The following TMPRSS11D variants were observed in gnomAD, a reference collection of about 807,000 sequenced individuals.
TMPRSS11D encodes the protein transmembrane serine protease 11D.
A neutral mutation model predicts 44.4 loss-of-function variants in TMPRSS11D; 32 were observed. The ratio of observed to expected loss-of-function variants is 0.72; its 90% CI spans 0.54 to 0.97. TMPRSS11D has a LOEUF of 0.97. Among genes scored for constraint, TMPRSS11D ranks in the 50% least tolerant of loss-of-function variants. The pLI is 0.00. For synonymous variants in TMPRSS11D, 179 were observed against 177.9 expected (o/e 1.01, Z -0.05); for missense variants, 446 against 502.6 (o/e 0.89, Z 1.08).
chr4:67,837,087 T>C (rs13114094), intron 5 of TMPRSS11D, among the ~76,000 whole-genome samples: 23,407 of 152,146 alleles, frequency 0.15, 1,906 homozygotes, highest in Middle Eastern at 0.23. Context: ...TTGGAATATC[T>C]TTCCCTTCAA....
chr4:67,865,586 C>A (rs1345777822), intron 1 of TMPRSS11D, among the ~76,000 whole-genome samples: 1 of 151,380 alleles, frequency 6.6e-6, no homozygotes, highest in African/African-American at 2.4e-5. Context: ...GCTACCTAGA[C>A]TAGCCAAGAA....
intron 4 of TMPRSS11D, among the ~76,000 whole-genome samples, chr4:67,839,670 C>T (rs865789265): frequency 6.6e-6 from 1 of 151,944 alleles, no homozygotes; most frequent in African/African-American, 2.4e-5. Flanking sequence ...AAATGCTCGT[C>T]ATGTCATAAA....
chr4:67,879,440 C>G (rs1294894987), intron 1 of TMPRSS11D, among the ~76,000 whole-genome samples: 2 of 146,760 alleles, frequency 1.4e-5, no homozygotes, highest in Admixed American at 6.8e-5. Flanking sequence ...CCACTGCACT[C>G]CAGCCTGGGC....
chr4:67,856,711 A>G (rs1718644527), intron 2 of TMPRSS11D, among the ~76,000 whole-genome samples: 1 of 152,148 alleles, frequency 6.6e-6, no homozygotes, highest in Middle Eastern at 3.2e-3. Flanking sequence ...TTGAATGGGA[A>G]AAAACATTTG....
chr4:67,862,156 G>A (rs1718806286), intron 1 of TMPRSS11D, among the ~76,000 whole-genome samples: 3 of 152,020 alleles, frequency 2.0e-5, no homozygotes, highest in African/African-American at 7.2e-5. Flanking sequence ...CATGAGGGTG[G>A]AAAATTTATC....
chr4:67,841,498 T>C (rs1718229214), intron 4 of TMPRSS11D, among the ~76,000 whole-genome samples: 1 of 152,176 alleles, frequency 6.6e-6, no homozygotes, highest in South Asian at 2.1e-4. Context: ...GATTTTGTTA[T>C]CTGGATGTCA....
intron 4 of TMPRSS11D, among the ~76,000 whole-genome samples, chr4:67,840,010 AG>A (rs1718194957): frequency 7.0e-6 from 1 of 142,826 alleles, no homozygotes; most frequent in South Asian, 2.3e-4. Context: ...ACAACAACAA[AG>A]TCCATGTGCT....
At chr4:67,870,076 T>A (rs930274831) in intron 1 of TMPRSS11D, among the ~76,000 whole-genome samples, 2 of 152,240 alleles carry the variant, frequency 1.3e-5, no homozygotes, top group East Asian at 3.8e-4. Context: ...CTCAGTTTCA[T>A]ACGCTTTTCT....
chr4:67,870,780 T>C (rs111591663), intron 1 of TMPRSS11D, among the ~76,000 whole-genome samples: 16,454 of 147,090 alleles, frequency 0.11, 1,163 homozygotes, highest in South Asian at 0.21. Context: ...CGCCACTGCA[T>C]TCCAGCTTGG....
At chr4:67,848,571 T>A (rs1718414964) in intron 3 of TMPRSS11D, among the ~76,000 whole-genome samples, 1 of 152,150 alleles carries the variant, frequency 6.6e-6, no homozygotes. Flanking sequence ...AGTGCAGCAA[T>A]ACAGTAGAGG....
In TMPRSS11D at chr4:67,880,441, T is replaced by G. The variant is rs577229127; in HGVS notation, c.8+3485A>C. Among the ~76,000 whole-genome samples the G allele has an allele frequency of 2.5e-3, 380 of 152,246 alleles. 2 individuals are homozygous for G. Among genetic ancestry groups the G allele is most frequent in the Middle Eastern group, 0.01 (3 of 294 alleles). On this transcript the variant is annotated intron_variant, in intron 1 of 9. Transcript: ENST00000283916. ...GGAGATATGGGTCAAGGGAGGGATT[T>G]TTTTTTAATTGGGGATAGTATGGCG...
chr4:67,859,337 T>C (rs917603600), intron 2 of TMPRSS11D, among the ~76,000 whole-genome samples: 16 of 152,038 alleles, frequency 1.1e-4, no homozygotes, highest in Admixed American at 9.2e-4. Context: ...TCAAAAGGTA[T>C]GTTTGGGGCA....
At chr4:67,844,131 A>G (rs1718301532) in intron 3 of TMPRSS11D, among the ~76,000 whole-genome samples, 1 of 152,190 alleles carries the variant, frequency 6.6e-6, no homozygotes, top group African/African-American at 2.4e-5. Context: ...ATGCTGGCTT[A>G]TACTGTGAGG....
At chr4:67,849,137 T>C (rs1214217523) in intron 3 of TMPRSS11D, among the ~76,000 whole-genome samples, 1 of 152,172 alleles carries the variant, frequency 6.6e-6, no homozygotes, top group Non-Finnish European at 1.5e-5. Flanking sequence ...ATATTTGGAA[T>C]GATAGTAGAA....
At chr4:67,825,070 A>G (rs992697472) in intron 9 of TMPRSS11D, among the ~76,000 whole-genome samples, 1 of 152,098 alleles carries the variant, frequency 6.6e-6, no homozygotes, top group Non-Finnish European at 1.5e-5. Flanking sequence ...CTAGATCCAA[A>G]TATAATAGTT....
chr4:67,828,037 T>TAC (rs34934075), intron 7 of TMPRSS11D, among the ~76,000 whole-genome samples: 1 of 7,824 alleles, frequency 1.3e-4, no homozygotes, highest in Non-Finnish European at 7.5e-4. Context: ...AAGATTTTGG[T>TAC]GTGTGTGTGT....
chr4:67,875,370 G>A (rs996376901), intron 1 of TMPRSS11D, among the ~76,000 whole-genome samples: 2 of 152,090 alleles, frequency 1.3e-5, no homozygotes, highest in African/African-American at 4.8e-5. Context: ...TGAAGAATCA[G>A]CAAGTTTCTT....
chr4:67,825,361 C>T (rs1717765807), intron 9 of TMPRSS11D, among the ~76,000 whole-genome samples: 1 of 151,868 alleles, frequency 6.6e-6, no homozygotes, highest in Non-Finnish European at 1.5e-5. Context: ...TTGTTGTTTA[C>T]CATGTGCCTG....
intron 7 of TMPRSS11D, among the ~76,000 whole-genome samples, chr4:67,831,515 A>G (rs1013564402): frequency 4.6e-5 from 7 of 152,096 alleles, no homozygotes; most frequent in Non-Finnish European, 1.0e-4. Context: ...TTATAGTGAT[A>G]TCGTTTACTT....
Sources: allele counts gnomAD v4.1 joint callset (sites outside exome capture counted in the v4.1 genomes callset), GRCh38; gene constraint gnomAD v4.1.1; transcripts MANE v1.5; gene names NCBI Gene and HGNC (gene_info 2026-07-23, HGNC 2026-07-21).